The following STRA8 variants were observed in gnomAD, a reference collection of about 807,000 sequenced individuals.
STRA8 encodes stimulated by retinoic acid gene 8 protein homolog.
Under a neutral mutation model 37.1 loss-of-function variants are expected in STRA8, and 18 were observed. The observed-to-expected ratio is 0.48, with a 90% CI of 0.34 to 0.72. The LOEUF (loss-of-function observed/expected upper bound fraction) is 0.72. Among genes scored for constraint, STRA8 ranks in the 30% least tolerant of loss-of-function variants. The pLI is 0.01. For missense variants in STRA8, 357 were observed against 410.4 expected (o/e 0.87, Z 1.13); for synonymous variants, 168 against 162.9 (o/e 1.03, Z -0.24).
intron 6 of STRA8, among the ~76,000 whole-genome samples, chr7:135,250,504 G>A (rs780064719): frequency 6.6e-6 from 1 of 152,116 alleles, no homozygotes; most frequent in Non-Finnish European, 1.5e-5. Context: ...AAAACTAAGA[G>A]AGGGGCCAGA....
At chr7:135,242,998 C>A (rs539637482) in intron 3 of STRA8, 142 bp downstream of exon 3, 7 of 940,050 alleles carry the variant, frequency 7.4e-6, no homozygotes, top group Admixed American at 4.4e-5. Context: ...TGTGCTTGGG[C>A]CAATGTTGAG....
intron 2 of STRA8, 65 bp downstream of exon 2, chr7:135,240,781 G>A: frequency 6.4e-7 from 1 of 1,574,038 alleles, no homozygotes; most frequent in Non-Finnish European, 8.7e-7. Flanking sequence ...CACAGGTGGA[G>A]GGACTGTGTT....
Position 135,246,829 on chromosome 7 carries a change from T to C in STRA8, c.879+127T>C. The C allele has an allele frequency of 9.7e-7, 1 of 1,034,386 alleles. No homozygotes were observed. Among genetic ancestry groups the C allele is most frequent in the Non-Finnish European group, 1.3e-6 (1 of 750,002 alleles). 64.1% of individuals were successfully genotyped at this position (1,034,386 alleles called of 1,614,324 possible). On this transcript the variant is annotated intron_variant, in intron 6 of 8. Coordinates refer to ENST00000662584, the MANE Select transcript of STRA8 (RefSeq NM_001394401.1). This position sits in a 1 kb window ranked among gnomAD's most constrained non-coding sequence, Gnocchi z 5.4. ...TTGCCTTCTGGCTCCCAAGGTCGGT[T>C]TCTGATTTTCTTTTTTCTCTTTTTT...
At chr7:135,254,184 A>G (rs1832674623) in intron 7 of STRA8, among the ~76,000 whole-genome samples, 1 of 152,190 alleles carries the variant, frequency 6.6e-6, no homozygotes, top group Admixed American at 6.5e-5. Context: ...CTGAGCTTGG[A>G]CTGCAAAGAC....
At chr7:135,250,384 G>C (rs1832619986) in intron 6 of STRA8, among the ~76,000 whole-genome samples, 1 of 152,192 alleles carries the variant, frequency 6.6e-6, no homozygotes, top group African/African-American at 2.4e-5. Context: ...TAGCTGATAG[G>C]CTTCAGAGCT....
intron 8 of STRA8, among the ~76,000 whole-genome samples, chr7:135,257,305 TG>T (rs1442830389): frequency 6.6e-6 from 1 of 151,470 alleles, no homozygotes; most frequent in African/African-American, 2.4e-5. Flanking sequence ...TCTGCTAGGA[TG>T]GAGACAGACA....
chr7:135,243,175 C>T (rs905059583), intron 3 of STRA8, 151 bp from the exon 4 acceptor site: 1 of 732,704 alleles, frequency 1.4e-6, no homozygotes, highest in Non-Finnish European at 2.3e-6. Flanking sequence ...CCCTTCACAC[C>T]TAGAAGGAAA....
In STRA8 at chr7:135,243,378, A is replaced by T; in HGVS notation, c.321A>T (p.Lys107Asn). Residue 107 changes from lysine (K) to asparagine (N), a missense_variant, in exon 4 of 9, where the codon AAA (lysine) becomes AAT (asparagine). By Grantham distance (94) the Lys-to-Asn change is moderately conservative. Coordinates refer to ENST00000662584, the MANE Select transcript of STRA8 (RefSeq NM_001394401.1). ...CAAGCAGCTTAGAGGAGGTCAAGAA[A>T]GAATATGCCAGCATGTATTCTGGAA... ...GHASSLEEVK[K>N]EYASMYSGND... 1 of 1,614,172 alleles carries T rather than the reference A, an allele frequency of 6.2e-7. No homozygotes were observed. The highest frequency in any genetic ancestry group is 8.5e-7 in the Non-Finnish European group (1 of 1,179,984).
In STRA8 at chr7:135,246,545, G is replaced by C; in HGVS notation, c.722G>C (p.Arg241Thr). 3 of 1,571,626 alleles carry C rather than the reference G, an allele frequency of 1.9e-6. No individual in the cohort carries two copies. Among genetic ancestry groups the C allele is most frequent in the Non-Finnish European group, 2.6e-6 (3 of 1,158,614 alleles). Residue 241 changes from arginine to threonine, a missense_variant, in exon 6 of 9, where the codon AGG becomes ACG. Coordinates refer to ENST00000662584, the MANE Select transcript of STRA8 (RefSeq NM_001394401.1). The surrounding 1 kb of genome is among the most constrained non-coding windows in gnomAD (Gnocchi z 5.4). ...CTGTGGCAGAACCTCTCGGAGGAGA[G>C]GAAGGCCAGCCTCCGGCAGGCCTGG... ...SHLWQNLSEE[R>T]KASLRQAWAQ...
At chr7:135,232,000 A>G (rs953698195), upstream of STRA8, 22 of 1,613,976 alleles carry the variant, frequency 1.4e-5, no homozygotes, top group Middle Eastern at 3.3e-4. Flanking sequence ...TGATGTGGAC[A>G]AGATCCTCTT....
chr7:135,246,250 T>C lies in STRA8; in HGVS notation c.594-167T>C. 2 of 910,458 alleles carry C rather than the reference T, an allele frequency of 2.2e-6. No individual in the cohort carries two copies. Among genetic ancestry groups the C allele is most frequent in the Non-Finnish European group, 3.3e-6 (2 of 603,838 alleles). The allele number at this position is 910,458 out of a possible 1,614,324, so 56.4% of individuals were successfully genotyped here. ...TGTCCTTCATGGCCCCCAGGAAGGC[T>C]GCTGCTCTCCAAGGGCCAGGGGCGT... On this transcript the variant is annotated intron_variant, in intron 5 of 8. Transcript: ENST00000662584. The surrounding 1 kb of genome is among the most constrained non-coding windows in gnomAD (Gnocchi z 5.4).
At chr7:135,256,673 T>C (rs1832707697) in intron 8 of STRA8, among the ~76,000 whole-genome samples, 1 of 152,126 alleles carries the variant, frequency 6.6e-6, no homozygotes, top group African/African-American at 2.4e-5. Context: ...GGTGTGGTGG[T>C]ACATGCCTGT....
chr7:135,258,442 G>C lies in STRA8; in HGVS notation c.1090G>C (p.Glu364Gln). The C allele has an allele frequency of 1.2e-6, 2 of 1,607,100 alleles. No individual in the cohort carries two copies. Among genetic ancestry groups the C allele is most frequent in the Non-Finnish European group, 1.7e-6 (2 of 1,176,686 alleles). Residue 364 changes from glutamate (E) to glutamine (Q), a missense_variant, in exon 9 of 9, where the codon GAG (glutamate) becomes CAG (glutamine). Physicochemically the swap from Glu to Gln is conservative, Grantham distance 29 (BLOSUM62 2). Transcript: ENST00000662584. ...GGAAGCATCCTTTCCCGTTGATGAAGAGATGATCATGTTGCAGTGCACAGA... is the reference window on the plus strand; with the variant it reads ...GGAAGCATCCTTTCCCGTTGATGAACAGATGATCATGTTGCAGTGCACAGA... ...KQEASFPVDE[E>Q]MIMLQCTETF... is the part of the protein sequence containing the mutation.
intron 7 of STRA8, 104 bp downstream of exon 7, chr7:135,251,973 A>G (rs1832641223): frequency 1.2e-6 from 1 of 840,078 alleles, no homozygotes. Context: ...TGAATGTGGT[A>G]AGTCAGAGAC....
rs942399856 is a variant in STRA8, at chr7:135,246,023, C to T, written c.594-394C>T. 1 of 269,066 alleles carries T rather than the reference C, an allele frequency of 3.7e-6. No individual in the cohort carries two copies. The highest frequency in any genetic ancestry group is 7.2e-6 in the Non-Finnish European group (1 of 139,488). The allele number at this position is 269,066 out of a possible 1,614,324, so 16.7% of individuals were successfully genotyped here. ...GCTCAATAGCAGGAGGCTCTCTCCA[C>T]AGCCGAGCCTGACTTTCGGGCTGCA... On this transcript the variant is annotated intron_variant, in intron 5 of 8. Transcript: ENST00000662584. The surrounding 1 kb of genome is among the most constrained non-coding windows in gnomAD (Gnocchi z 5.4).
rs972489792 is a variant in STRA8 at position 135,245,424 on chromosome 7, G to GAGA, written c.492_493insAAG (p.Glu164_Glu165insLys). The GAGA allele has an allele frequency of 5.2e-6, 4 of 763,066 alleles. No individual in the cohort carries two copies. In the Admixed American group the frequency reaches 5.3e-5, roughly 10 times the overall value. The allele number at this position is 763,066 out of a possible 1,614,324, so 47.3% of individuals were successfully genotyped here. A position where few individuals can be genotyped will look rare whatever the true frequency, so the allele number is the denominator to read the frequency against. On this transcript the variant is annotated inframe_insertion, in exon 5 of 9. Coordinates refer to ENST00000662584, the MANE Select transcript of STRA8 (RefSeq NM_001394401.1). ...AGAGGAGGAGGAAGAAGAAGAGGAG[G>GAGA]AGGAGGAAGAGGAGGAAGAGGAAGA...
At chr7:135,235,880 A>G (rs781306214) in intron 1 of STRA8, among the ~76,000 whole-genome samples, 1 of 152,156 alleles carries the variant, frequency 6.6e-6, no homozygotes, top group Non-Finnish European at 1.5e-5. Context: ...AGGCCAAGAT[A>G]GGAGGATCAT....
chr7:135,235,047 T>C (rs1832349536), intron 1 of STRA8, among the ~76,000 whole-genome samples: 1 of 148,362 alleles, frequency 6.7e-6, no homozygotes, highest in Non-Finnish European at 1.5e-5. Context: ...AATTTTTGTA[T>C]TTTTTGTAGA....
chr7:135,233,354 G>A (rs1020916277), upstream of STRA8, among the ~76,000 whole-genome samples: 1 of 151,610 alleles, frequency 6.6e-6, no homozygotes, highest in Non-Finnish European at 1.5e-5. Context: ...TTTCCTTCAT[G>A]CCGTTTTCTC....
Sources: gnomAD v4.1 joint callset for allele counts (sites outside exome capture counted in the v4.1 genomes callset) on GRCh38, gnomAD v4.1.1 for gene constraint, Gnocchi (gnomAD v3.1) non-coding constraint, MANE v1.5 for transcripts, NCBI Gene and HGNC (gene_info 2026-07-23, HGNC 2026-07-21) for gene names.